Variants in DAPK1 observed in about 807,000 individuals in gnomAD.
The protein encoded by DAPK1 is death-associated protein kinase 1.
In DAPK1, 56 loss-of-function variants were observed where a neutral mutation model predicts 144.9. That is an observed-to-expected ratio of 0.39 (90% CI 0.31 to 0.48). The LOEUF (loss-of-function observed/expected upper bound fraction) is 0.48. DAPK1 is among the 20% of genes least tolerant of loss of function. DAPK1 has a pLI of 0.95. For missense variants in DAPK1, 1,454 were observed against 1,875.4 expected (o/e 0.78, Z 4.15); for synonymous variants, 690 against 749.0 (o/e 0.92, Z 1.29).
chr9:87,509,831 G>A (rs36228629), intron 2 of DAPK1, among the ~76,000 whole-genome samples: 6,263 of 152,268 alleles, frequency 0.041, 124 homozygotes, highest in Non-Finnish European at 0.052. Flanking sequence ...TCAGATGATC[G>A]CGGTTTCTTT....
At chr9:87,509,566 G>C (rs1382775100) in intron 2 of DAPK1, among the ~76,000 whole-genome samples, 1 of 152,126 alleles carries the variant, frequency 6.6e-6, no homozygotes, top group Admixed American at 6.5e-5. Context: ...CTCCATGTTG[G>C]TCAGGCTGGT....
intron 2 of DAPK1, among the ~76,000 whole-genome samples, chr9:87,590,880 C>T (rs546134052): frequency 3.3e-4 from 51 of 152,364 alleles, no homozygotes; most frequent in African/African-American, 1.2e-3. Flanking sequence ...TGAGCCACTG[C>T]ACCCCATCTA....
intron 3 of DAPK1, among the ~76,000 whole-genome samples, chr9:87,616,187 G>A (rs554882714): frequency 6.6e-6 from 1 of 152,362 alleles, no homozygotes; most frequent in Non-Finnish European, 1.5e-5. Flanking sequence ...GGGGTGGGCA[G>A]AAGATGTTCT....
intron 15 of DAPK1, 62 bp downstream of exon 15, chr9:87,648,941 T>C: frequency 7.0e-7 from 1 of 1,426,794 alleles, no homozygotes; most frequent in South Asian, 1.1e-5. Context: ...GGCAGCCAGA[T>C]GGTACAGTCG....
At chr9:87,662,436 A>G (rs1322216436) in intron 18 of DAPK1, among the ~76,000 whole-genome samples, 5 of 151,968 alleles carry the variant, frequency 3.3e-5, no homozygotes, top group East Asian at 3.9e-4. Flanking sequence ...AACAATATTA[A>G]TTCTTCCCAT....
At chr9:87,617,324 C>G (rs1039913153) in intron 3 of DAPK1, among the ~76,000 whole-genome samples, 1 of 152,160 alleles carries the variant, frequency 6.6e-6, no homozygotes, top group Non-Finnish European at 1.5e-5. Flanking sequence ...AGTCTTGGCT[C>G]TTTGGCAGGT....
intron 2 of DAPK1, among the ~76,000 whole-genome samples, chr9:87,586,763 C>CA (rs1478241046): frequency 6.6e-6 from 1 of 152,208 alleles, no homozygotes; most frequent in Non-Finnish European, 1.5e-5. Context: ...GAATCTGTGA[C>CA]AGCCAGCATT....
intron 2 of DAPK1, among the ~76,000 whole-genome samples, chr9:87,567,946 A>C (rs1183649338): frequency 6.6e-6 from 1 of 152,234 alleles, no homozygotes; most frequent in Admixed American, 6.5e-5. Flanking sequence ...AAAGGCTGCC[A>C]CTATTCAGTT....
rs55790757 is a variant in DAPK1, at chr9:87,707,112, C to T, written c.4041C>T (p.Asn1347=). 8,011 of 1,613,926 alleles carry T rather than the reference C, an allele frequency of 5.0e-3. 30 individuals are homozygous for T. Among genetic ancestry groups the T allele is most frequent in the Non-Finnish European group, 6.2e-3 (7,277 of 1,179,850 alleles). Residue 1347 remains asparagine (N), a synonymous_variant, in exon 26 of 26, where the codon AAC becomes AAT. Coordinates refer to ENST00000408954, the MANE Select transcript of DAPK1 (RefSeq NM_004938.4). This position sits in a 1 kb window ranked among gnomAD's most constrained non-coding sequence, Gnocchi z 4.0. ...PDLVAKYNTS[N]GAPKDFLPSP... ...TCGTGGCAAAGTACAACACCAGTAA[C>T]GGGGCTCCCAAGGATTTCCTCCCCA...
rs1021285239 is a variant in DAPK1, at chr9:87,515,038, G to A, written c.62+15899G>A. Among the ~76,000 whole-genome samples, 194 of 152,186 alleles carry A rather than the reference G, an allele frequency of 1.3e-3. 3 individuals carry two copies. Among genetic ancestry groups the A allele is most frequent in the Non-Finnish European group, 2.8e-4 (19 of 68,046 alleles). On this transcript the variant is annotated intron_variant, in intron 2 of 25. Coordinates refer to ENST00000408954, the MANE Select transcript of DAPK1 (RefSeq NM_004938.4). ...AAAGAAGGCAAAAGCTGGAGAACCC[G>A]AGTATCTCATGAATAATGTATTTTA...
intron 21 of DAPK1, among the ~76,000 whole-genome samples, chr9:87,692,962 T>A: frequency 1.0e-5 from 1 of 98,652 alleles, no homozygotes; most frequent in Non-Finnish European, 1.9e-5. Context: ...CTTTTTTTTT[T>A]TTTTTTTTTT....
chr9:87,569,413 C>G (rs1050597578), intron 2 of DAPK1, among the ~76,000 whole-genome samples: 1 of 152,212 alleles, frequency 6.6e-6, no homozygotes, highest in East Asian at 1.9e-4. Context: ...CTCAGGTGAT[C>G]ATTGACTTAT....
At chr9:87,677,839 G>T (rs1335101415) in intron 19 of DAPK1, among the ~76,000 whole-genome samples, 1 of 152,196 alleles carries the variant, frequency 6.6e-6, no homozygotes, top group Non-Finnish European at 1.5e-5. Flanking sequence ...CGGAAGGCTG[G>T]AGTAGGCTGG....
intron 2 of DAPK1, among the ~76,000 whole-genome samples, chr9:87,573,246 C>G (rs1243474496): frequency 1.3e-5 from 2 of 152,222 alleles, no homozygotes; most frequent in African/African-American, 4.8e-5. Context: ...CAGCTGACAA[C>G]CCACCTCAGA....
chr9:87,530,981 C>T (rs1296364345), intron 2 of DAPK1, among the ~76,000 whole-genome samples: 1 of 152,064 alleles, frequency 6.6e-6, no homozygotes, highest in Non-Finnish European at 1.5e-5. Flanking sequence ...TAGCGCCAGG[C>T]CTTTTAAAAA....
intron 2 of DAPK1, among the ~76,000 whole-genome samples, chr9:87,596,466 A>G (rs36206212): frequency 0.05 from 7,602 of 152,178 alleles, 647 homozygotes; most frequent in African/African-American, 0.17. Flanking sequence ...AGGGTCTTTG[A>G]GTTTTGTTGT....
chr9:87,572,403 C>T (rs1827394165), intron 2 of DAPK1, among the ~76,000 whole-genome samples: 1 of 152,074 alleles, frequency 6.6e-6, no homozygotes, highest in Admixed American at 6.5e-5. Flanking sequence ...TATGAGTCAC[C>T]TGAGGATCAG....
At chr9:87,689,825 T>A (rs1824995656) in intron 21 of DAPK1, among the ~76,000 whole-genome samples, 1 of 152,090 alleles carries the variant, frequency 6.6e-6, no homozygotes, top group Non-Finnish European at 1.5e-5. Context: ...AATACCTGGA[T>A]TTATTTCTGA....
At chr9:87,539,520 T>G (rs1825969933) in intron 2 of DAPK1, among the ~76,000 whole-genome samples, 1 of 148,798 alleles carries the variant, frequency 6.7e-6, no homozygotes, top group Non-Finnish European at 1.5e-5. Flanking sequence ...ACCTCTGCCT[T>G]CCGAGTTCAA....
Sources: gnomAD v4.1 joint callset for allele counts (sites outside exome capture counted in the v4.1 genomes callset) on GRCh38, gnomAD v4.1.1 for gene constraint, Gnocchi (gnomAD v3.1) non-coding constraint, MANE v1.5 for transcripts, NCBI Gene and HGNC (gene_info 2026-07-23, HGNC 2026-07-21) for gene names.